Variants in FUBP3 observed in about 807,000 individuals in gnomAD.
FUBP3 encodes the protein far upstream element-binding protein 3.
Under a neutral mutation model 85.6 loss-of-function variants are expected in FUBP3, and 28 were observed. That is an observed-to-expected ratio of 0.33 (90% confidence interval 0.24 to 0.45). The LOEUF is 0.45. FUBP3 is among the 20% of genes least tolerant of loss of function. FUBP3 has a pLI of 1.00. For missense variants in FUBP3, 583 were observed against 755.1 expected (o/e 0.77, Z 2.67); for synonymous variants, 271 against 271.4 (o/e 1.00, Z 0.01).
At chr9:130,600,252 C>A (rs1831089323) in intron 2 of FUBP3, among the ~76,000 whole-genome samples, 1 of 152,004 alleles carries the variant, frequency 6.6e-6, no homozygotes, top group African/African-American at 2.4e-5. Context: ...TCCGCGGTTA[C>A]TGGGTCCCGC....
chr9:130,627,494 C>G (rs1274995399), intron 12 of FUBP3, among the ~76,000 whole-genome samples: 1 of 152,212 alleles, frequency 6.6e-6, no homozygotes, highest in Admixed American at 6.5e-5. Flanking sequence ...AGGTGGGAGC[C>G]CCCCGACACT....
chr9:130,628,769 AT>A (rs139480872), intron 12 of FUBP3, among the ~76,000 whole-genome samples: 2 of 150,652 alleles, frequency 1.3e-5, no homozygotes, highest in African/African-American at 2.4e-5. Context: ...ATTCTTTTTT[AT>A]TTTTTTTTAT....
At chr9:130,582,491 T>G (rs1830174800) in intron 1 of FUBP3, among the ~76,000 whole-genome samples, 1 of 151,904 alleles carries the variant, frequency 6.6e-6, no homozygotes, top group Non-Finnish European at 1.5e-5. Context: ...AAATGTGATC[T>G]CATTCAGTTC....
chr9:130,605,999 CA>C (rs1303743708), intron 2 of FUBP3, among the ~76,000 whole-genome samples: 1 of 152,006 alleles, frequency 6.6e-6, no homozygotes, highest in Non-Finnish European at 1.5e-5. Flanking sequence ...ACAACAACAA[CA>C]AAAAAGAGTG....
Position 130,631,975 on chromosome 9 carries a change from A to G in FUBP3, c.1386A>G (p.Pro462=). 1 of 1,613,846 alleles carries G rather than the reference A, an allele frequency of 6.2e-7. No individual in the cohort carries two copies. Among genetic ancestry groups the G allele is most frequent in the Non-Finnish European group, 8.5e-7 (1 of 1,179,720 alleles). ...TFPPRSSGCF[P]NMAAKVNGNP... Reference sequence around the variant, plus strand: ...CTCCAAGGAGCTCCGGGTGCTTCCCAAACATGGCTGCCAAGGTGAATGGGA... The same window carrying G: ...CTCCAAGGAGCTCCGGGTGCTTCCCGAACATGGCTGCCAAGGTGAATGGGA... The change falls in exon 15 of 19, where the codon CCA becomes CCG. Residue 462 remains proline (P), a synonymous_variant. Coordinates refer to ENST00000319725, the MANE Select transcript of FUBP3 (RefSeq NM_003934.2).
intron 2 of FUBP3, among the ~76,000 whole-genome samples, chr9:130,603,365 A>AAC (rs1554738560): frequency 1.9e-4 from 19 of 98,416 alleles, no homozygotes; most frequent in Non-Finnish European, 3.4e-4. Flanking sequence ...AAAAAAAAAA[A>AAC]AAACAAATAG....
intron 1 of FUBP3, among the ~76,000 whole-genome samples, chr9:130,579,983 G>A (rs1830063620): frequency 6.6e-6 from 1 of 152,244 alleles, no homozygotes; most frequent in Non-Finnish European, 1.5e-5. Flanking sequence ...CCAGGTGCCT[G>A]AAGTCGCTGG....
At chr9:130,599,047 C>T (rs1203587654) in intron 2 of FUBP3, among the ~76,000 whole-genome samples, 4 of 152,322 alleles carry the variant, frequency 2.6e-5, no homozygotes, top group Admixed American at 2.6e-4. Context: ...AATCCCAGCA[C>T]TTTGGGAGGC....
intron 1 of FUBP3, chr9:130,580,989 A>T (rs2118989196): frequency 6.6e-6 from 1 of 151,658 alleles, no homozygotes; most frequent in East Asian, 2.0e-4. Flanking sequence ...CCCTTCCACC[A>T]CTCTGCTTGC....
chr9:130,596,845 A>G (rs1052849957), intron 2 of FUBP3, among the ~76,000 whole-genome samples: 11 of 152,212 alleles, frequency 7.2e-5, no homozygotes, highest in African/African-American at 2.7e-4. Flanking sequence ...GCAGGCCTGC[A>G]ATGTGAAATA....
chr9:130,583,825 A>G (rs993334264), intron 1 of FUBP3, among the ~76,000 whole-genome samples: 2 of 152,156 alleles, frequency 1.3e-5, no homozygotes, highest in African/African-American at 2.4e-5. Context: ...TAAATAAACT[A>G]TATATTCCAC....
At chr9:130,608,065 C>G (rs564390056) in intron 2 of FUBP3, among the ~76,000 whole-genome samples, 1 of 152,164 alleles carries the variant, frequency 6.6e-6, no homozygotes, top group Non-Finnish European at 1.5e-5. Context: ...GAACAGGAGC[C>G]CTCTGAATAT....
intron 1 of FUBP3, among the ~76,000 whole-genome samples, chr9:130,586,997 C>T (rs530307244): frequency 3.8e-3 from 575 of 151,962 alleles, no homozygotes; most frequent in African/African-American, 9.9e-3. Flanking sequence ...GATCCACCTG[C>T]CTCGGCCTCC....
Position 130,636,193 on chromosome 9 carries a change from T to C in FUBP3, c.1710+67T>C, listed in dbSNP as rs542867313. 1.0e-3 allele frequency: 1,581 copies of C among 1,516,826 alleles called. 1 individual carries two copies. The highest frequency in any genetic ancestry group is 1.3e-3 in the Non-Finnish European group (1,422 of 1,093,768). The allele number at this position is 1,516,826 out of a possible 1,614,324, so 94.0% of individuals were successfully genotyped here. A position where few individuals can be genotyped will look rare whatever the true frequency, so the allele number is the denominator to read the frequency against. ...CGAGCCCCTGCTCCCAAGCCTTCTG[T>C]GTTTCCTGACCCCAGGATGAGAGCG... On this transcript the variant is annotated intron_variant, in intron 18 of 18. Transcript: ENST00000319725.
intron 1 of FUBP3, among the ~76,000 whole-genome samples, chr9:130,584,659 A>T (rs1429885577): frequency 6.6e-6 from 1 of 151,302 alleles, no homozygotes; most frequent in Non-Finnish European, 1.5e-5. Flanking sequence ...ACTTGAGGTC[A>T]GGAGTTTGAG....
At chr9:130,607,431 G>C (rs59284136) in intron 2 of FUBP3, among the ~76,000 whole-genome samples, 11,457 of 152,184 alleles carry the variant, frequency 0.075, 866 homozygotes, top group East Asian at 0.2. Flanking sequence ...TGCTGGAATT[G>C]CTCCAACGGG....
intron 8 of FUBP3, 45 bp from the exon 9 acceptor site, chr9:130,620,309 T>C: frequency 8.2e-7 from 1 of 1,216,218 alleles, no homozygotes; most frequent in Non-Finnish European, 1.2e-6. Flanking sequence ...TGTATCTTTT[T>C]TCAGGAATTT....
intron 2 of FUBP3, chr9:130,596,737 CT>C: frequency 5.8e-6 from 2 of 347,646 alleles, no homozygotes. Context: ...TGTTAAGGTT[CT>C]TTTTAGTTAA....
intron 11 of FUBP3, among the ~76,000 whole-genome samples, chr9:130,624,695 GGTGGCCCAAGACAGTTCTTCCAGT>G: frequency 6.8e-6 from 1 of 148,104 alleles, no homozygotes; most frequent in East Asian, 2.1e-4. Flanking sequence ...GTATTTTATG[GGTGGCCCAAGACAGTTCTTCCAGT>G]GTGGCCCAGG....
Sources: allele counts gnomAD v4.1 joint callset (sites outside exome capture counted in the v4.1 genomes callset), GRCh38; gene constraint gnomAD v4.1.1; transcripts MANE v1.5; gene names NCBI Gene and HGNC (gene_info 2026-07-23, HGNC 2026-07-21).